The following TNK2 variants were observed in gnomAD, a reference collection of about 807,000 sequenced individuals.
The protein encoded by TNK2 is activated CDC42 kinase 1.
A neutral mutation model predicts 101.8 loss-of-function variants in TNK2; 83 were observed. That is an observed-to-expected ratio of 0.82 (90% CI 0.68 to 0.98). TNK2 has a LOEUF of 0.98. Among genes scored for constraint, TNK2 ranks in the 50% least tolerant of loss-of-function variants. TNK2 has a pLI of 0.00. For missense variants in TNK2, 1,665 were observed against 1,483.2 expected (o/e 1.12, Z -2.01); for synonymous variants, 804 against 633.0 (o/e 1.27, Z -4.06).
intron 1 of TNK2, among the ~76,000 whole-genome samples, chr3:195,890,147 G>C (rs1274472129): frequency 6.6e-6 from 1 of 152,248 alleles, no homozygotes; most frequent in Admixed American, 6.5e-5. Flanking sequence ...TCGGCGACCG[G>C]GCCAGGCAGC....
chr3:195,867,579 G>A lies in TNK2; in HGVS notation c.2719C>T (p.Leu907=), dbSNP rs767242132. Residue 907 remains leucine, a synonymous_variant, in exon 13 of 16, where the codon CTG becomes TTG. Transcript: ENST00000672887. ...PEEPTPLPVP[L]LLPPPSTPAP... is the part of the protein sequence containing the mutation. The stretch of plus-strand genomic sequence containing the variant: ...GGGGTGCTGGGTGGGGGCAGCAGCA[G>A]AGGCACAGGCAGGGGGGTAGGCTCC... The A allele has an allele frequency of 6.3e-7, 1 of 1,584,090 alleles. No homozygotes were observed. Among genetic ancestry groups the A allele is most frequent in the Non-Finnish European group, 8.5e-7 (1 of 1,172,994 alleles).
chr3:195,879,016 C>G (rs377414043), intron 7 of TNK2, 33 bp downstream of exon 7: 4 of 1,608,524 alleles, frequency 2.5e-6, no homozygotes, highest in Non-Finnish European at 2.5e-6. Flanking sequence ...TTCACCCCAC[C>G]AGCCCTATGG....
chr3:195,891,981 G>C, intron 1 of TNK2: 1 of 1,002,426 alleles, frequency 1.0e-6, no homozygotes, highest in Non-Finnish European at 1.2e-6. Flanking sequence ...GGATGCATGT[G>C]GGAGGACGGG....
rs1462904320 is a variant in TNK2 at position 195,878,825 on chromosome 3, G to A, written c.1014+224C>T. ...GGCTAGAGAAGGAGGGCAGGCCCCA[G>A]CTTTTCCCTCCCCGTCTCTTTGCTG... On this transcript the variant is annotated intron_variant, in intron 7 of 15. Transcript: ENST00000672887. This position sits in a 1 kb window ranked among gnomAD's most constrained non-coding sequence, Gnocchi z 4.7. 6.6e-6 allele frequency among the ~76,000 whole-genome samples: 1 copy of A among 152,194 alleles called. No individual in the cohort carries two copies. The highest frequency in any genetic ancestry group is 1.5e-5 in the Non-Finnish European group (1 of 68,028).
chr3:195,870,386 G>A (rs1744245646), intron 10 of TNK2, 181 bp from the exon 11 acceptor site: 6 of 1,460,958 alleles, frequency 4.1e-6, no homozygotes, highest in Non-Finnish European at 5.5e-6. Flanking sequence ...GTCCTGGAGA[G>A]AAGGCAGAGA....
chr3:195,870,957 G>T (rs9325405), intron 10 of TNK2, among the ~76,000 whole-genome samples: 96,669 of 134,984 alleles, frequency 0.72, 34,486 homozygotes, highest in African/African-American at 0.81. Flanking sequence ...TTCTGGTGTG[G>T]GGGGACTCGC....
At chr3:195,870,582 G>A (rs1293671498) in intron 10 of TNK2, among the ~76,000 whole-genome samples, 2 of 152,244 alleles carry the variant, frequency 1.3e-5, no homozygotes, top group Non-Finnish European at 1.5e-5. Flanking sequence ...CCCAGCTATG[G>A]TGCCCAGCCA....
chr3:195,871,905 T>TCCCCGGAGAACCCTC (rs1560488423), intron 10 of TNK2, among the ~76,000 whole-genome samples: 2 of 150,658 alleles, frequency 1.3e-5, no homozygotes, highest in Non-Finnish European at 3.0e-5. Context: ...TGGAGAACGC[T>TCCCCGGAGAACCCTC]CCCCGGAGAA....
intron 10 of TNK2, 53 bp downstream of exon 10, chr3:195,872,223 C>A (rs1745962710): frequency 6.2e-7 from 1 of 1,600,156 alleles, no homozygotes. Flanking sequence ...GTGCTGAGGG[C>A]CCTGGAGTCC....
At chr3:195,896,209 C>G (rs1274915017) in intron 1 of TNK2, 2 of 423,588 alleles carry the variant, frequency 4.7e-6, no homozygotes, top group Admixed American at 5.4e-5. Context: ...CCCGGGGCCC[C>G]AAGGCACCGC....
Position 195,868,249 on chromosome 3 carries a change from G to T in TNK2, c.2049C>A (p.Thr683=). ...GVPAGPSQGQ[T]NYAFVPEQAR... is the part of the protein sequence containing the mutation. ...CCTGCTCAGGCACAAAGGCGTAGTT[G>T]GTCTGGCCCTGGCTGGGCCCGGCAG... The change falls in exon 13 of 16, where the codon ACC becomes ACA. Residue 683 remains threonine, a synonymous_variant. Coordinates refer to ENST00000672887, the MANE Select transcript of TNK2 (RefSeq NM_001382273.1). 1 of 1,605,324 alleles carries T rather than the reference G, an allele frequency of 6.2e-7. No homozygotes were observed.
Position 195,864,100 on chromosome 3 carries a change from T to G in TNK2, c.*81A>C. The G allele has an allele frequency of 6.3e-7, 1 of 1,587,922 alleles. No individual in the cohort carries two copies. ...GAGCAGCGGGTCCTCCAGGACTGGA[T>G]GGGGGCATCTCCCCACTCCTGGTGG... On this transcript the variant is annotated 3_prime_UTR_variant, in exon 16 of 16. Coordinates refer to ENST00000672887, the MANE Select transcript of TNK2 (RefSeq NM_001382273.1).
Position 195,880,136 on chromosome 3 carries a change from C to T in TNK2, c.888-961G>A, listed in dbSNP as rs537323478. Among the ~76,000 whole-genome samples, 46 of 152,196 alleles carry T rather than the reference C, an allele frequency of 3.0e-4. 2 individuals carry two copies. In the Middle Eastern group the frequency reaches 0.034, roughly 113 times the overall value. ...CAGGCAGATCACAGACCTCTGGGTGCCTCTGGCACCAGAGAACCACAATGG... is the reference window on the plus strand; with the variant it reads ...CAGGCAGATCACAGACCTCTGGGTGTCTCTGGCACCAGAGAACCACAATGG... On this transcript the variant is annotated intron_variant, in intron 6 of 15. Coordinates refer to ENST00000672887, the MANE Select transcript of TNK2 (RefSeq NM_001382273.1).
At chr3:195,892,850 G>A in intron 1 of TNK2, 1 of 642,584 alleles carries the variant, frequency 1.6e-6, no homozygotes, top group Non-Finnish European at 2.0e-6. Context: ...CTCCCCAGCT[G>A]AGCAGCTCTG....
chr3:195,887,958 GT>G (rs1756808603), intron 2 of TNK2, among the ~76,000 whole-genome samples: 1 of 20,944 alleles, frequency 4.8e-5, no homozygotes, highest in Non-Finnish European at 9.0e-5. Context: ...GTGCCTGCGT[GT>G]GTGTGTGTGT....
At chr3:195,869,889 A>T in intron 11 of TNK2, 1 of 552,438 alleles carries the variant, frequency 1.8e-6, no homozygotes, top group Non-Finnish European at 3.2e-6. Context: ...GCCGGGGCGG[A>T]CGGGCCTGCT....
At chr3:195,892,904 C>T (rs955845188) in intron 1 of TNK2, 7 of 288,338 alleles carry the variant, frequency 2.4e-5, no homozygotes, top group South Asian at 1.3e-4. Flanking sequence ...GCCAAGAGGG[C>T]GGCAGGAATG....
At chr3:195,903,726 A>G (rs969144731) in intron 1 of TNK2, among the ~76,000 whole-genome samples, 8 of 152,098 alleles carry the variant, frequency 5.3e-5, no homozygotes, top group Admixed American at 3.3e-4. Flanking sequence ...TCAAAAAAAC[A>G]ATAACATTAT....
In TNK2 at chr3:195,863,973, G is replaced by A; in HGVS notation, c.*208C>T. On this transcript the variant is annotated 3_prime_UTR_variant, in exon 16 of 16. Transcript: ENST00000672887. ...ACATCTTGGCAGGGGCACCGGGACT[G>A]AACCAAAGTGTGCAGGGACAGCGCT... 1.7e-6 allele frequency: 1 copy of A among 600,344 alleles called. No homozygotes were observed. Among genetic ancestry groups the A allele is most frequent in the Non-Finnish European group, 2.9e-6 (1 of 344,738 alleles). The allele number at this position is 600,344 out of a possible 1,614,324, so 37.2% of individuals were successfully genotyped here.
Sources: gnomAD v4.1 joint callset for allele counts (sites outside exome capture counted in the v4.1 genomes callset) on GRCh38, gnomAD v4.1.1 for gene constraint, Gnocchi (gnomAD v3.1) non-coding constraint, MANE v1.5 for transcripts, NCBI Gene and HGNC (gene_info 2026-07-23, HGNC 2026-07-21) for gene names.